SAMD3: variants seen among roughly 807,000 people sequenced by gnomAD.
The protein encoded by SAMD3 is sterile alpha motif domain containing 3.
A neutral mutation model predicts 58.5 loss-of-function variants in SAMD3; 63 were observed. That is an observed-to-expected ratio of 1.08 (90% CI 0.88 to 1.33). The LOEUF (loss-of-function observed/expected upper bound fraction) is 1.33. SAMD3 is among the 40% of genes most tolerant of loss of function. SAMD3 has a pLI of 0.00. For synonymous variants in SAMD3, 220 were observed against 210.3 expected, an observed-to-expected ratio of 1.05 and a Z score of -0.40; for missense variants, 604 against 608.4, an observed-to-expected ratio of 0.99 and a Z score of 0.08.
At chr6:130,180,768 TG>T (rs1792235749) in intron 7 of SAMD3, among the ~76,000 whole-genome samples, 1 of 152,092 alleles carries the variant, frequency 6.6e-6, no homozygotes. Flanking sequence ...GTGCCAGGGA[TG>T]CTACTAAATA....
At chr6:130,231,053 A>C (rs1165858647) in intron 2 of SAMD3, among the ~76,000 whole-genome samples, 3 of 152,302 alleles carry the variant, frequency 2.0e-5, no homozygotes, top group African/African-American at 7.2e-5. Context: ...AATTGTGTGC[A>C]TGGGTGCAAC....
intron 2 of SAMD3, among the ~76,000 whole-genome samples, chr6:130,294,041 A>G (rs1775473624): frequency 1.3e-5 from 2 of 152,168 alleles, no homozygotes; most frequent in Admixed American, 1.3e-4. Context: ...TCTCCTCTGT[A>G]AAGGACAGAG....
At chr6:130,339,188 A>G (rs990482443) in intron 1 of SAMD3, among the ~76,000 whole-genome samples, 5 of 152,160 alleles carry the variant, frequency 3.3e-5, no homozygotes, top group African/African-American at 1.2e-4. Flanking sequence ...CTGGGACTAC[A>G]GGTGCCTGCC....
At chr6:130,248,443 T>C (rs1024378086) in intron 2 of SAMD3, among the ~76,000 whole-genome samples, 1 of 152,112 alleles carries the variant, frequency 6.6e-6, no homozygotes, top group Non-Finnish European at 1.5e-5. Flanking sequence ...CTGAGAGTTA[T>C]AAAATGTGCA....
intron 5 of SAMD3, among the ~76,000 whole-genome samples, chr6:130,208,710 A>G (rs894876928): frequency 5.7e-4 from 87 of 152,274 alleles, no homozygotes; most frequent in African/African-American, 2.0e-3. Context: ...CTGATTCTAC[A>G]TTATGGTGAG....
intron 2 of SAMD3, among the ~76,000 whole-genome samples, chr6:130,242,454 T>C (rs1025124723): frequency 3.9e-5 from 6 of 152,248 alleles, no homozygotes; most frequent in Non-Finnish European, 1.5e-5. Context: ...AGAACTGGAC[T>C]GCAGGTAAGG....
At chr6:130,183,559 A>G in intron 7 of SAMD3, 2 of 378,366 alleles carry the variant, frequency 5.3e-6, no homozygotes, top group Non-Finnish European at 1.0e-5. Flanking sequence ...TATGTGTCAC[A>G]TCTCCTAAAG....
intron 1 of SAMD3, among the ~76,000 whole-genome samples, chr6:130,342,800 A>G (rs1229643439): frequency 6.6e-6 from 1 of 152,192 alleles, no homozygotes. Flanking sequence ...AGGTGGCAAT[A>G]AGAAATATTA....
At chr6:130,186,587 A>G (rs1018556378) in intron 5 of SAMD3, among the ~76,000 whole-genome samples, 1 of 152,110 alleles carries the variant, frequency 6.6e-6, no homozygotes, top group African/African-American at 2.4e-5. Context: ...TCATTCATTC[A>G]ACCAGTATTT....
At position 130,144,601 on chromosome 6, in the gene SAMD3, C is replaced by T; in HGVS notation, c.1482G>A (p.Leu494=). The change falls in exon 12 of 12, where the codon CTG becomes CTA. Residue 494 remains leucine (L), a synonymous_variant. Coordinates refer to ENST00000439090, the MANE Select transcript of SAMD3 (RefSeq NM_001017373.4). ...LSQTFNFLET[L]IFDMHSPYFP... is the part of the protein sequence containing the mutation. ...AATAAGGACTGTGCATATCGAAAAT[C>T]AGCGTTTCTAGGAAGTTGAAAGTTT... 1.2e-6 allele frequency: 2 copies of T among 1,614,118 alleles called. No homozygotes were observed. The highest frequency in any genetic ancestry group is 1.7e-6 in the Non-Finnish European group (2 of 1,179,986).
At chr6:130,288,244 C>T (rs1183320594) in intron 2 of SAMD3, among the ~76,000 whole-genome samples, 2 of 152,128 alleles carry the variant, frequency 1.3e-5, no homozygotes, top group African/African-American at 4.8e-5. Flanking sequence ...TGGGGGCTGG[C>T]AAGTCTGAAA....
intron 2 of SAMD3, among the ~76,000 whole-genome samples, chr6:130,231,623 T>C (rs1249955761): frequency 2.0e-5 from 3 of 152,188 alleles, no homozygotes; most frequent in Non-Finnish European, 4.4e-5. Flanking sequence ...TTTGCAGAAG[T>C]ATAAATTAAT....
At chr6:130,288,608 A>C (rs1775252030) in intron 2 of SAMD3, among the ~76,000 whole-genome samples, 1 of 152,198 alleles carries the variant, frequency 6.6e-6, no homozygotes, top group South Asian at 2.1e-4. Context: ...GAGGAGGGTC[A>C]CCTCCACCAA....
intron 1 of SAMD3, among the ~76,000 whole-genome samples, chr6:130,356,517 A>G (rs187558164): frequency 3.9e-4 from 60 of 152,336 alleles, no homozygotes; most frequent in Admixed American, 1.5e-3. Flanking sequence ...ATTTCCAAAC[A>G]TTATATTACA....
chr6:130,351,626 G>C (rs975542148), intron 1 of SAMD3, among the ~76,000 whole-genome samples: 24 of 152,136 alleles, frequency 1.6e-4, no homozygotes, highest in Admixed American at 1.6e-3. Context: ...TACACTGTTG[G>C]TGGGACTGTG....
chr6:130,164,634 T>C (rs563550564), intron 8 of SAMD3, among the ~76,000 whole-genome samples: 1 of 152,142 alleles, frequency 6.6e-6, no homozygotes, highest in Admixed American at 6.6e-5. Context: ...CACTTTATAG[T>C]GACAAAAGTT....
At chr6:130,329,573 C>A (rs148660186) in intron 1 of SAMD3, among the ~76,000 whole-genome samples, 1,610 of 152,110 alleles carry the variant, frequency 0.011, 12 homozygotes, top group Non-Finnish European at 0.018. Context: ...GGGTATATAC[C>A]CAAAGGATTA....
At chr6:130,171,389 C>T (rs957556771) in intron 8 of SAMD3, among the ~76,000 whole-genome samples, 1 of 151,850 alleles carries the variant, frequency 6.6e-6, no homozygotes, top group African/African-American at 2.4e-5. Context: ...GGGATATTGG[C>T]CTGAAATCTT....
chr6:130,309,135 C>T (rs1396894521), intron 2 of SAMD3, among the ~76,000 whole-genome samples: 1 of 152,158 alleles, frequency 6.6e-6, no homozygotes, highest in Non-Finnish European at 1.5e-5. Flanking sequence ...CAGAGTATTT[C>T]AAGCACTGTA....
Sources: allele counts gnomAD v4.1 joint callset (sites outside exome capture counted in the v4.1 genomes callset), GRCh38; gene constraint gnomAD v4.1.1; transcripts MANE v1.5; gene names NCBI Gene and HGNC (gene_info 2026-07-23, HGNC 2026-07-21).